The following RELT variants were observed in gnomAD, a reference collection of about 807,000 sequenced individuals.
RELT encodes the protein RELT TNF receptor, also known as tumor necrosis factor receptor superfamily member 19L.
A neutral mutation model predicts 51.1 loss-of-function variants in RELT; 37 were observed. That is an observed-to-expected ratio of 0.72 (90% CI 0.56 to 0.95). The LOEUF (loss-of-function observed/expected upper bound fraction) is 0.95, where lower values mean the gene tolerates loss of function less well. Among genes scored for constraint, RELT ranks in the 40% least tolerant of loss-of-function variants. The pLI is 0.00. For synonymous variants in RELT, 241 were observed against 235.7 expected (o/e 1.02, Z -0.21); for missense variants, 535 against 572.6 (o/e 0.93, Z 0.67).
At position 73,394,984 on chromosome 11, in the gene RELT, A is replaced by C; in HGVS notation, c.1047-103A>C. The C allele has an allele frequency of 8.9e-7, 1 of 1,120,828 alleles. No homozygotes were observed. The highest frequency in any genetic ancestry group is 1.4e-5 in the South Asian group (1 of 73,034). 69.4% of individuals were successfully genotyped at this position (1,120,828 alleles called of 1,614,324 possible). A position where few individuals can be genotyped will look rare whatever the true frequency, so the allele number is the denominator to read the frequency against. Reference sequence around the variant, plus strand: ...CATGGCACCCGGGCCTCTCAGGCTAAGGCTCTGGTCCATGAACTTGCTGTG... The same window carrying C: ...CATGGCACCCGGGCCTCTCAGGCTACGGCTCTGGTCCATGAACTTGCTGTG... On this transcript the variant is annotated intron_variant, in intron 9 of 10. Transcript: ENST00000064780. The surrounding 1 kb of genome is among the most constrained non-coding windows in gnomAD (Gnocchi z 4.9).
chr11:73,394,106 G>A lies in RELT; in HGVS notation c.707-130G>A. On this transcript the variant is annotated intron_variant, in intron 7 of 10. Transcript: ENST00000064780. The surrounding 1 kb of genome is among the most constrained non-coding windows in gnomAD (Gnocchi z 4.9). ...CTCCCATTCTTGCCTGATGAAGTGG[G>A]AGGAAAAGGCGCACAGCCCAGGCTG... is the stretch of plus-strand genomic sequence containing the variant. 5.0e-6 allele frequency: 5 copies of A among 1,003,370 alleles called. No homozygotes were observed. In the South Asian group the frequency reaches 5.8e-5, roughly 12 times the overall value. The allele number at this position is 1,003,370 out of a possible 1,614,324, so 62.2% of individuals were successfully genotyped here.
rs1250364529 is a variant in RELT, at chr11:73,388,569, AGGCCTTCGTGTTG to A, written c.-25-542_-25-530del. On this transcript the variant is annotated intron_variant, in intron 1 of 10. Transcript: ENST00000064780. This position sits in a 1 kb window ranked among gnomAD's most constrained non-coding sequence, Gnocchi z 4.1. The stretch of plus-strand genomic sequence containing the variant: ...CTTCTAGAGAAGCTTCTGGAAAGAG[AGGCCTTCGTGTTG>A]AGCTTTGAAGGGTAAAGGAAAAGGC... 9.2e-5 allele frequency among the ~76,000 whole-genome samples: 14 copies of A among 152,202 alleles called. No homozygotes were observed. Among genetic ancestry groups the A allele is most frequent in the Admixed American group, 3.9e-4 (6 of 15,282 alleles).
At chr11:73,380,036 C>T (rs2134437587) in intron 1 of RELT, among the ~76,000 whole-genome samples, 1 of 152,342 alleles carries the variant, frequency 6.6e-6, no homozygotes, top group African/African-American at 2.4e-5. Context: ...GCCCTCCTGG[C>T]CCGAAATTAG....
At chr11:73,395,366 G>A in intron 10 of RELT, 78 bp from the exon 11 acceptor site, 2 of 1,504,042 alleles carry the variant, frequency 1.3e-6, no homozygotes, top group African/African-American at 1.4e-5. Context: ...AGTGCAGCGG[G>A]CCCTAGGCAG....
intron 1 of RELT, among the ~76,000 whole-genome samples, chr11:73,379,338 A>T (rs182524798): frequency 7.9e-4 from 121 of 152,310 alleles, no homozygotes; most frequent in Middle Eastern, 6.8e-3. Flanking sequence ...GGCCAAGCCA[A>T]ACCTTTCTGG....
chr11:73,384,567 G>GAGCC (rs1418631007), intron 1 of RELT: 1 of 152,476 alleles, frequency 6.6e-6, no homozygotes, highest in Non-Finnish European at 1.5e-5. Flanking sequence ...GCAGGCCACA[G>GAGCC]AGCCAGTGCA....
chr11:73,397,462 C>T lies in RELT; in HGVS notation c.*1971C>T, dbSNP rs1232178261. 2.0e-5 allele frequency: 3 copies of T among 152,238 alleles called. No homozygotes were observed. Among genetic ancestry groups the T allele is most frequent in the Non-Finnish European group, 4.4e-5 (3 of 68,032 alleles). The allele number at this position is 152,238 out of a possible 1,614,324, so 9.4% of individuals were successfully genotyped here. ...GGCCTAACACAAATTCATAAACTTT[C>T]TTAAAACATTGAGATGTTTTTGCTT... On this transcript the variant is annotated 3_prime_UTR_variant, in exon 11 of 11. Transcript: ENST00000064780.
chr11:73,383,079 G>T (rs930125073), intron 1 of RELT, among the ~76,000 whole-genome samples: 1 of 152,244 alleles, frequency 6.6e-6, no homozygotes, highest in Admixed American at 6.5e-5. Context: ...TTCTGGGGGT[G>T]TTGCTGAGAG....
rs185037641 is a variant in RELT, at chr11:73,394,341, C to G, written c.788+24C>G. The G allele has an allele frequency of 1.3e-5, 21 of 1,611,948 alleles. No individual in the cohort carries two copies. The South Asian group carries it at 2.3e-4, about 18-fold the overall frequency. On this transcript the variant is annotated intron_variant, in intron 8 of 10. Coordinates refer to ENST00000064780, the MANE Select transcript of RELT (RefSeq NM_152222.2). This position sits in a 1 kb window ranked among gnomAD's most constrained non-coding sequence, Gnocchi z 4.9. ...AAGTGAGTGGGCTGGTGGGAGATAA[C>G]GGGGCCAAAACCTACATTAACCAGC...
At chr11:73,389,755 C>T (rs2134449170) in intron 2 of RELT, among the ~76,000 whole-genome samples, 1 of 152,326 alleles carries the variant, frequency 6.6e-6, no homozygotes, top group South Asian at 2.1e-4. Context: ...AGGGTTGCTC[C>T]ATGTACAGGA....
intron 1 of RELT, among the ~76,000 whole-genome samples, chr11:73,384,924 G>GT (rs1866101088): frequency 6.6e-6 from 1 of 152,194 alleles, no homozygotes. Flanking sequence ...CTAAGGAAGA[G>GT]TGGGTGCTGG....
rs375693971 is a variant in RELT at position 73,391,156 on chromosome 11, T to C, written c.300T>C (p.Pro100=). ...TCCCTCCTCGCAGGTGGTTTGGGCC[T>C]TGGGGGGTTCCCCGCGTTCCATGTC... ...CGDCWPGWFG[P]WGVPRVPCQP... Residue 100 remains proline (P), a synonymous_variant, in exon 5 of 11, where the codon CCT becomes CCC. Coordinates refer to ENST00000064780, the MANE Select transcript of RELT (RefSeq NM_152222.2). 7.4e-6 allele frequency: 12 copies of C among 1,613,678 alleles called. No individual in the cohort carries two copies. Among genetic ancestry groups the C allele is most frequent in the Non-Finnish European group, 9.3e-6 (11 of 1,179,868 alleles).
chr11:73,394,770 G>A lies in RELT; in HGVS notation c.1046+36G>A, dbSNP rs773837750. 3 of 1,592,478 alleles carry A rather than the reference G, an allele frequency of 1.9e-6. No homozygotes were observed. In the East Asian group the frequency reaches 6.7e-5, roughly 36 times the overall value. On this transcript the variant is annotated intron_variant, in intron 9 of 10. Transcript: ENST00000064780. The surrounding 1 kb of genome is among the most constrained non-coding windows in gnomAD (Gnocchi z 4.9). ...CACAGATGCAGCAGGGGCAGGTAAA[G>A]ACGTGACAGCCTGGGGGCCGGGAGG...
chr11:73,380,519 A>G (rs1866035306), intron 1 of RELT, among the ~76,000 whole-genome samples: 1 of 152,070 alleles, frequency 6.6e-6, no homozygotes, highest in Non-Finnish European at 1.5e-5. Context: ...GTATGGGGGA[A>G]CCTCGACTCA....
At chr11:73,387,404 C>T (rs937794336) in intron 1 of RELT, among the ~76,000 whole-genome samples, 3 of 152,176 alleles carry the variant, frequency 2.0e-5, no homozygotes, top group Non-Finnish European at 2.9e-5. Context: ...GGGAGCTGGG[C>T]CCTGACAAGG....
intron 6 of RELT, chr11:73,393,195 G>A (rs777367121): frequency 6.7e-5 from 67 of 1,000,868 alleles, no homozygotes; most frequent in Middle Eastern, 5.1e-4. Flanking sequence ...GGCAGGAAGC[G>A]GACAGGAGCA....
At position 73,392,206 on chromosome 11, in the gene RELT, C is replaced by T. The variant is rs775294840; in HGVS notation, c.368-5C>T. The T allele has an allele frequency of 1.2e-6, 2 of 1,610,678 alleles. No individual in the cohort carries two copies. The highest frequency in any genetic ancestry group is 1.7e-6 in the Non-Finnish European group (2 of 1,178,418). On this transcript the variant is annotated splice_region_variant and splice_polypyrimidine_tract_variant and intron_variant, in intron 5 of 10. Coordinates refer to ENST00000064780, the MANE Select transcript of RELT (RefSeq NM_152222.2). The stretch of plus-strand genomic sequence containing the variant: ...TGTCCTGCCTCCATCGTCTGTGATG[C>T]TCAGAGTGGGGGCGGCGGGCCCGAC...
rs760906645 is a variant in RELT at position 73,394,437 on chromosome 11, T to A, written c.789-40T>A. The A allele has an allele frequency of 1.2e-6, 2 of 1,607,924 alleles. No homozygotes were observed. Among genetic ancestry groups the A allele is most frequent in the South Asian group, 2.2e-5 (2 of 90,876 alleles). ...GTTCCCTGCTGGGGTCTCCTGCCCC[T>A]GGCCTGGCCTATGGCCACTTCTGCC... is the stretch of plus-strand genomic sequence containing the variant. On this transcript the variant is annotated intron_variant, in intron 8 of 10. Coordinates refer to ENST00000064780, the MANE Select transcript of RELT (RefSeq NM_152222.2). This position sits in a 1 kb window ranked among gnomAD's most constrained non-coding sequence, Gnocchi z 4.9.
In RELT at chr11:73,395,198, T is replaced by C; in HGVS notation, c.1158T>C (p.Pro386=). ...SWGDLPDSPQ[P]GLPPEQQALL... ...GTGATCTCCCTGACTCCCCACAGCC[T>C]GGCCTCCCCCCTGAGCAGCAGGCCC... Residue 386 remains proline, a synonymous_variant, in exon 10 of 11, where the codon CCT becomes CCC. Coordinates refer to ENST00000064780, the MANE Select transcript of RELT (RefSeq NM_152222.2). 1.2e-6 allele frequency: 2 copies of C among 1,613,278 alleles called. No individual in the cohort carries two copies. The highest frequency in any genetic ancestry group is 2.2e-5 in the South Asian group (2 of 91,088).
Sources: gnomAD v4.1 joint callset for allele counts (sites outside exome capture counted in the v4.1 genomes callset) on GRCh38, gnomAD v4.1.1 for gene constraint, Gnocchi (gnomAD v3.1) non-coding constraint, MANE v1.5 for transcripts, NCBI Gene and HGNC (gene_info 2026-07-23, HGNC 2026-07-21) for gene names.